Variants in FAT3 observed in about 807,000 individuals in gnomAD.
FAT3 encodes the protein FAT atypical cadherin 3, also known as protocadherin Fat 3.
Under a neutral mutation model 310.2 loss-of-function variants are expected in FAT3, and 95 were observed. That is an observed-to-expected ratio of 0.31 (90% confidence interval 0.26 to 0.36). The LOEUF is 0.36. FAT3 is among the 10% of genes least tolerant of loss of function. The probability of loss-of-function intolerance (pLI) is 1.00; values close to 1 mark genes in which losing one functional copy is unlikely to be tolerated. For synonymous variants in FAT3, 2,314 were observed against 2,192.9 expected, an observed-to-expected ratio of 1.06 and a Z score of -1.54; for missense variants, 5,408 against 5,715.6, an observed-to-expected ratio of 0.95 and a Z score of 1.74.
At chr11:92,605,226 A>G (rs558322651) in intron 3 of FAT3, among the ~76,000 whole-genome samples, 5 of 152,278 alleles carry the variant, frequency 3.3e-5, no homozygotes, top group Middle Eastern at 3.4e-3. Context: ...ACAAATCCTT[A>G]TTGTCTCTTG....
intron 4 of FAT3, among the ~76,000 whole-genome samples, chr11:92,741,483 G>A (rs1945508192): frequency 6.6e-6 from 1 of 152,196 alleles, no homozygotes; most frequent in African/African-American, 2.4e-5. Flanking sequence ...AAACATGTGT[G>A]TCTCACATTC....
At chr11:92,460,695 A>G (rs1382679619) in intron 2 of FAT3, among the ~76,000 whole-genome samples, 2 of 152,216 alleles carry the variant, frequency 1.3e-5, no homozygotes, top group African/African-American at 4.8e-5. Context: ...TCCCACTGCA[A>G]GAGAGTGACT....
At chr11:92,552,947 C>G (rs768907226) in intron 3 of FAT3, among the ~76,000 whole-genome samples, 2 of 96,062 alleles carry the variant, frequency 2.1e-5, no homozygotes, top group Non-Finnish European at 4.3e-5. Flanking sequence ...GAGACACGTT[C>G]AAACAAAAAA....
intron 3 of FAT3, among the ~76,000 whole-genome samples, chr11:92,671,860 C>G (rs750746843): frequency 2.0e-5 from 3 of 152,094 alleles, no homozygotes; most frequent in Non-Finnish European, 4.4e-5. Context: ...AATCCCAGCA[C>G]TTTGGGAGGC....
intron 4 of FAT3, among the ~76,000 whole-genome samples, chr11:92,715,776 G>A (rs1382585376): frequency 2.6e-5 from 4 of 151,960 alleles, no homozygotes; most frequent in Admixed American, 6.6e-5. Flanking sequence ...CTTCACAGAA[G>A]AGGGGAGACT....
chr11:92,318,670 A>C (rs1293970110), intron 1 of FAT3, among the ~76,000 whole-genome samples: 1 of 152,234 alleles, frequency 6.6e-6, no homozygotes, highest in African/African-American at 2.4e-5. Flanking sequence ...AATACCCATA[A>C]GAGTAAAAGC....
chr11:92,606,975 T>G (rs755730330), intron 3 of FAT3, among the ~76,000 whole-genome samples: 2 of 152,144 alleles, frequency 1.3e-5, no homozygotes, highest in African/African-American at 4.8e-5. Flanking sequence ...TCAGAGGAGC[T>G]TTAGTGCCTC....
intron 3 of FAT3, 62 bp from the exon 4 acceptor site, chr11:92,697,322 C>A (rs1943971832): frequency 1.3e-6 from 2 of 1,499,852 alleles, no homozygotes; most frequent in East Asian, 4.5e-5. Flanking sequence ...ACTTGTTTCC[C>A]CACACTCAGT....
At chr11:92,320,742 T>G (rs974061366) in intron 1 of FAT3, among the ~76,000 whole-genome samples, 2 of 151,882 alleles carry the variant, frequency 1.3e-5, no homozygotes, top group Non-Finnish European at 2.9e-5. Flanking sequence ...TGGTGGCACA[T>G]ACCTGCAATC....
chr11:92,857,440 A>G, intron 20 of FAT3, 92 bp downstream of exon 20: 2 of 1,556,034 alleles, frequency 1.3e-6, no homozygotes, highest in South Asian at 2.4e-5. Flanking sequence ...CCTCCCAGAA[A>G]ACGTTTCTTT....
chr11:92,880,609 G>A, intron 22 of FAT3, 122 bp from the exon 23 acceptor site: 2 of 1,128,100 alleles, frequency 1.8e-6, no homozygotes, highest in East Asian at 5.3e-5. Flanking sequence ...AACCACCTTT[G>A]GAATTTGGGC....
chr11:92,832,223 C>T (rs1948281942), intron 14 of FAT3, among the ~76,000 whole-genome samples: 1 of 152,138 alleles, frequency 6.6e-6, no homozygotes, highest in Admixed American at 6.5e-5. Flanking sequence ...GTGGTCCCTA[C>T]TGCTTGGGAC....
chr11:92,479,108 C>G (rs982171426), intron 2 of FAT3, among the ~76,000 whole-genome samples: 2 of 150,956 alleles, frequency 1.3e-5, no homozygotes, highest in African/African-American at 4.9e-5. Flanking sequence ...CTCAAACAAT[C>G]CACCCATCTC....
At chr11:92,723,585 T>C (rs1442962903) in intron 4 of FAT3, among the ~76,000 whole-genome samples, 1 of 152,218 alleles carries the variant, frequency 6.6e-6, no homozygotes, top group Non-Finnish European at 1.5e-5. Context: ...ATTTACTGTA[T>C]TAGTCTGTTT....
At chr11:92,526,798 G>A (rs187640265) in intron 3 of FAT3, among the ~76,000 whole-genome samples, 7 of 152,200 alleles carry the variant, frequency 4.6e-5, no homozygotes, top group Non-Finnish European at 8.8e-5. Flanking sequence ...TTTTTAAAAA[G>A]CATTTTTGCC....
chr11:92,698,574 A>G (rs569973157), intron 4 of FAT3, among the ~76,000 whole-genome samples: 115 of 152,266 alleles, frequency 7.6e-4, no homozygotes, highest in African/African-American at 2.6e-3. Context: ...CTCTTAAAGC[A>G]TTGGATATAA....
intron 9 of FAT3, 71 bp from the exon 10 acceptor site, chr11:92,797,765 A>G: frequency 7.4e-7 from 1 of 1,348,436 alleles, no homozygotes; most frequent in Non-Finnish European, 1.0e-6. Context: ...GTACCTATAG[A>G]TAAAGAGTTA....
At chr11:92,645,302 A>G (rs569387480) in intron 3 of FAT3, among the ~76,000 whole-genome samples, 1 of 152,352 alleles carries the variant, frequency 6.6e-6, no homozygotes, top group South Asian at 2.1e-4. Context: ...TCTGGTCCTT[A>G]TCAGCTTACA....
intron 4 of FAT3, among the ~76,000 whole-genome samples, chr11:92,760,293 T>C (rs2136079267): frequency 6.6e-6 from 1 of 152,374 alleles, no homozygotes; most frequent in South Asian, 2.1e-4. Context: ...GAAACTAAAC[T>C]AGATTGCAAT....
Sources: gnomAD v4.1 joint callset for allele counts (sites outside exome capture counted in the v4.1 genomes callset) on GRCh38, gnomAD v4.1.1 for gene constraint, MANE v1.5 for transcripts, NCBI Gene and HGNC (gene_info 2026-07-23, HGNC 2026-07-21) for gene names.